The following UBL3 variants were observed in gnomAD, a reference collection of about 807,000 sequenced individuals.
The protein encoded by UBL3 is ubiquitin-like protein 3.
Under a neutral mutation model 18.4 loss-of-function variants are expected in UBL3, and 6 were observed. The ratio of observed to expected loss-of-function variants is 0.33; its 90% confidence interval spans 0.18 to 0.64. The LOEUF is 0.64. UBL3 is among the 30% of genes least tolerant of loss of function. The pLI, the probability that UBL3 is intolerant of heterozygous loss-of-function variation, is 0.76. For missense variants in UBL3, 109 were observed against 142.9 expected (o/e 0.76, Z 1.21); for synonymous variants, 49 against 46.6 (o/e 1.05, Z -0.21).
chr13:29,790,534 C>T (rs1186545932), intron 1 of UBL3, among the ~76,000 whole-genome samples: 6 of 152,090 alleles, frequency 3.9e-5, no homozygotes, highest in Admixed American at 3.9e-4. Context: ...CCTATAATTC[C>T]CAAAGTTATG....
intron 1 of UBL3, among the ~76,000 whole-genome samples, chr13:29,846,044 C>T (rs1593680186): frequency 6.6e-6 from 1 of 152,184 alleles, no homozygotes; most frequent in Non-Finnish European, 1.5e-5. Context: ...CAGTCTTAGG[C>T]CTTATTACTA....
chr13:29,838,024 T>G (rs1224320879), intron 1 of UBL3, among the ~76,000 whole-genome samples: 1 of 149,990 alleles, frequency 6.7e-6, no homozygotes, highest in Non-Finnish European at 1.5e-5. Flanking sequence ...AAGCTTTATG[T>G]AGATTACAAA....
intron 1 of UBL3, among the ~76,000 whole-genome samples, chr13:29,843,724 T>C (rs770880046): frequency 1.6e-4 from 24 of 152,240 alleles, no homozygotes; most frequent in Admixed American, 7.2e-4. Context: ...TTAAAATTCA[T>C]TGTAAGGAAG....
intron 1 of UBL3, among the ~76,000 whole-genome samples, chr13:29,781,597 A>AT (rs1253581207): frequency 6.6e-6 from 1 of 152,044 alleles, no homozygotes; most frequent in Admixed American, 6.6e-5. Context: ...GGGAACGCTG[A>AT]TAATAGGGGA....
At chr13:29,825,216 T>C (rs1008976411) in intron 1 of UBL3, among the ~76,000 whole-genome samples, 1 of 152,170 alleles carries the variant, frequency 6.6e-6, no homozygotes, top group African/African-American at 2.4e-5. Context: ...ATATGAACTT[T>C]AGTTTATTCC....
chr13:29,822,974 G>A (rs1239659606), intron 1 of UBL3, among the ~76,000 whole-genome samples: 2 of 151,980 alleles, frequency 1.3e-5, no homozygotes, highest in African/African-American at 2.4e-5. Flanking sequence ...GGAGCGTAGA[G>A]AGAAAAAACA....
chr13:29,825,245 A>G (rs1217903854), intron 1 of UBL3, among the ~76,000 whole-genome samples: 1 of 152,174 alleles, frequency 6.6e-6, no homozygotes, highest in Non-Finnish European at 1.5e-5. Context: ...GAAGAAAGTC[A>G]TTGGTAGCTT....
At chr13:29,793,654 C>G (rs1294118674) in intron 1 of UBL3, among the ~76,000 whole-genome samples, 1 of 152,112 alleles carries the variant, frequency 6.6e-6, no homozygotes, top group Non-Finnish European at 1.5e-5. Flanking sequence ...CAATTATCTA[C>G]ACCTACAATC....
chr13:29,789,882 C>T (rs1026566929), intron 1 of UBL3, among the ~76,000 whole-genome samples: 14 of 152,164 alleles, frequency 9.2e-5, no homozygotes, highest in African/African-American at 3.4e-4. Flanking sequence ...TATAGCATAA[C>T]TATCAATTAA....
chr13:29,830,985 C>T (rs1878756341), intron 1 of UBL3, among the ~76,000 whole-genome samples: 1 of 152,136 alleles, frequency 6.6e-6, no homozygotes, highest in Non-Finnish European at 1.5e-5. Context: ...AAATCTGCCT[C>T]CTTGAGTTTC....
chr13:29,775,975 C>T (rs1203668070), intron 2 of UBL3, among the ~76,000 whole-genome samples: 1 of 151,946 alleles, frequency 6.6e-6, no homozygotes, highest in Non-Finnish European at 1.5e-5. Flanking sequence ...AACACATTTT[C>T]CAAGATTGTT....
At chr13:29,795,946 T>A (rs1318581066) in intron 1 of UBL3, among the ~76,000 whole-genome samples, 1 of 151,290 alleles carries the variant, frequency 6.6e-6, no homozygotes, top group Non-Finnish European at 1.5e-5. Context: ...TTTTTTTTTT[T>A]AAATAAGGAG....
At chr13:29,800,455 T>C (rs913591463) in intron 1 of UBL3, among the ~76,000 whole-genome samples, 2 of 152,200 alleles carry the variant, frequency 1.3e-5, no homozygotes, top group African/African-American at 4.8e-5. Context: ...GTAAAAAATA[T>C]TCCCTCTTTT....
rs557678706 is a variant in UBL3, at chr13:29,847,063, T to A, written c.27+2449A>T. Among the ~76,000 whole-genome samples, 5 of 152,362 alleles carry A rather than the reference T, an allele frequency of 3.3e-5. No individual in the cohort carries two copies. In the East Asian group the frequency reaches 9.6e-4, roughly 29 times the overall value. On this transcript the variant is annotated intron_variant, in intron 1 of 4. Coordinates refer to ENST00000380680, the MANE Select transcript of UBL3 (RefSeq NM_007106.4). ...CATGGTATTAAGAGTTTAATAATCA[T>A]GAAGCATTTAATCGACAACTTCTAA...
At position 29,770,534 on chromosome 13, in the gene UBL3, A is replaced by G. The variant is rs56401233; in HGVS notation, c.223+1578T>C. ...TATGAAGTTCAAACTCTGAGGTCAC[A>G]ACAGAAAAGATAATTAAGGAATGGA... On this transcript the variant is annotated intron_variant, in intron 3 of 4. Transcript: ENST00000380680. 2.0e-3 allele frequency among the ~76,000 whole-genome samples: 307 copies of G among 152,214 alleles called. 1 individual carries two copies. Among genetic ancestry groups the G allele is most frequent in the Non-Finnish European group, 3.1e-3 (209 of 67,950 alleles).
chr13:29,786,674 C>T (rs1877327246), intron 1 of UBL3, among the ~76,000 whole-genome samples: 1 of 152,156 alleles, frequency 6.6e-6, no homozygotes, highest in South Asian at 2.1e-4. Flanking sequence ...ATTCAGTAGA[C>T]TAAGGCATGA....
intron 1 of UBL3, among the ~76,000 whole-genome samples, chr13:29,787,008 T>G (rs1877338049): frequency 6.6e-6 from 1 of 152,210 alleles, no homozygotes; most frequent in African/African-American, 2.4e-5. Flanking sequence ...GAAAACTACA[T>G]TCCAAAGCAA....
chr13:29,791,825 C>T (rs1198216707), intron 1 of UBL3, among the ~76,000 whole-genome samples: 3 of 152,204 alleles, frequency 2.0e-5, no homozygotes, highest in African/African-American at 7.2e-5. Context: ...GGTCATCCTA[C>T]ATATATCACA....
At chr13:29,799,258 C>G (rs1877698652) in intron 1 of UBL3, among the ~76,000 whole-genome samples, 1 of 152,228 alleles carries the variant, frequency 6.6e-6, no homozygotes, top group African/African-American at 2.4e-5. Context: ...AGTATGCAGA[C>G]ATTGCCAAAT....
Sources: allele counts gnomAD v4.1 joint callset (sites outside exome capture counted in the v4.1 genomes callset), GRCh38; gene constraint gnomAD v4.1.1; transcripts MANE v1.5; gene names NCBI Gene and HGNC (gene_info 2026-07-23, HGNC 2026-07-21).